The following TNNI3K variants were observed in gnomAD, a reference collection of about 807,000 sequenced individuals.
The protein encoded by TNNI3K is serine/threonine-protein kinase TNNI3K.
TNNI3K carries 140 observed loss-of-function variants against 114.5 expected under a neutral mutation model. That is an observed-to-expected ratio of 1.22 (90% confidence interval 1.07 to 1.41). The LOEUF is 1.41. Ranked by LOEUF, TNNI3K falls within the 40% of genes most tolerant of loss-of-function variation. TNNI3K has a pLI of 0.00. For missense variants in TNNI3K, 1,125 were observed against 1,007.6 expected, an observed-to-expected ratio of 1.12 and a Z score of -1.58; for synonymous variants, 347 against 347.5, an observed-to-expected ratio of 1.00 and a Z score of 0.02.
intron 17 of TNNI3K, among the ~76,000 whole-genome samples, chr1:74,415,464 T>G (rs1364313274): frequency 3.3e-5 from 5 of 152,330 alleles, no homozygotes; most frequent in Non-Finnish European, 5.9e-5. Context: ...AAAAGCTGTC[T>G]ATTTTTCTAA....
chr1:74,290,050 C>T (rs1657582408), intron 5 of TNNI3K, among the ~76,000 whole-genome samples: 1 of 151,622 alleles, frequency 6.6e-6, no homozygotes, highest in East Asian at 1.9e-4. Flanking sequence ...TCTGGGCATC[C>T]CCAGAAAAGT....
At chr1:74,303,365 A>G (rs998966891) in intron 5 of TNNI3K, among the ~76,000 whole-genome samples, 8 of 151,850 alleles carry the variant, frequency 5.3e-5, no homozygotes, top group Admixed American at 5.2e-4. Context: ...GGGTTTCGCT[A>G]TGTTGGCCAG....
intron 23 of TNNI3K, among the ~76,000 whole-genome samples, chr1:74,497,358 T>C (rs145964070): frequency 6.6e-6 from 1 of 152,206 alleles, no homozygotes; most frequent in East Asian, 1.9e-4. Context: ...CTTGCACTCT[T>C]TTTTGTACTA....
At chr1:74,251,172 C>T (rs1018871377) in intron 4 of TNNI3K, among the ~76,000 whole-genome samples, 7 of 152,138 alleles carry the variant, frequency 4.6e-5, no homozygotes, top group African/African-American at 1.7e-4. Flanking sequence ...CACACTGAAG[C>T]TGTATTTCTT....
chr1:74,358,700 T>G (rs1486751402), intron 11 of TNNI3K, among the ~76,000 whole-genome samples: 2 of 152,062 alleles, frequency 1.3e-5, no homozygotes, highest in Non-Finnish European at 2.9e-5. Flanking sequence ...GGAATCCATG[T>G]GTGAATTTTT....
At chr1:74,325,644 G>A (rs1169285185) in intron 5 of TNNI3K, among the ~76,000 whole-genome samples, 1 of 152,194 alleles carries the variant, frequency 6.6e-6, no homozygotes, top group African/African-American at 2.4e-5. Flanking sequence ...CCCTGGAGTG[G>A]TGAGTTCTAA....
chr1:74,237,593 A>G (rs1653935135), intron 2 of TNNI3K, among the ~76,000 whole-genome samples: 1 of 152,052 alleles, frequency 6.6e-6, no homozygotes, highest in Admixed American at 6.6e-5. Context: ...TATTAGGATT[A>G]ACAATGGATT....
chr1:74,278,297 GATAAC>G (rs1165474066), intron 5 of TNNI3K, among the ~76,000 whole-genome samples: 2 of 152,150 alleles, frequency 1.3e-5, no homozygotes, highest in Non-Finnish European at 2.9e-5. Context: ...GCTTTGAATA[GATAAC>G]TTTGTACTGA....
chr1:74,350,321 T>C (rs1661268650), intron 9 of TNNI3K, among the ~76,000 whole-genome samples: 1 of 152,268 alleles, frequency 6.6e-6, no homozygotes, highest in East Asian at 1.9e-4. Flanking sequence ...GTTTGCACTG[T>C]GGTCTGAAAG....
In TNNI3K at chr1:74,331,431, T is replaced by TA; in HGVS notation, c.445-17dup. 6.2e-7 allele frequency: 1 copy of TA among 1,609,872 alleles called. No individual in the cohort carries two copies. The highest frequency in any genetic ancestry group is 8.5e-7 in the Non-Finnish European group (1 of 1,178,282). On this transcript the variant is annotated intron_variant, in intron 5 of 24. Transcript: ENST00000326637. Reference sequence around the variant, plus strand: ...ATAACTCAACTGAAGTTCTTAACCATAATCATTTTCTTGTCCAGGCTGCTG... The same window carrying TA: ...ATAACTCAACTGAAGTTCTTAACCATAAATCATTTTCTTGTCCAGGCTGCTG...
At chr1:74,321,366 C>T (rs542290898) in intron 5 of TNNI3K, among the ~76,000 whole-genome samples, 3 of 152,186 alleles carry the variant, frequency 2.0e-5, no homozygotes, top group Non-Finnish European at 2.9e-5. Context: ...TCTTTTCTTT[C>T]GCTTTCTGGC....
intron 2 of TNNI3K, among the ~76,000 whole-genome samples, chr1:74,245,299 C>T (rs1654486761): frequency 6.6e-6 from 1 of 152,174 alleles, no homozygotes; most frequent in African/African-American, 2.4e-5. Flanking sequence ...GATATAGTCC[C>T]TGGTGAGAAG....
chr1:74,541,403 GC>G (rs1217919027), intron 24 of TNNI3K: 6 of 152,168 alleles, frequency 3.9e-5, no homozygotes, highest in Admixed American at 2.0e-4. Context: ...GCAGATGAGT[GC>G]TTTTTATCAT....
intron 23 of TNNI3K, among the ~76,000 whole-genome samples, chr1:74,517,294 T>C (rs1481412510): frequency 1.3e-5 from 2 of 152,202 alleles, no homozygotes; most frequent in Non-Finnish European, 2.9e-5. Context: ...CAATGCCTCA[T>C]TAACGTTCAT....
chr1:74,279,592 C>CAATGAATGAATGAATG lies in TNNI3K; in HGVS notation c.444+7892_444+7907dup, dbSNP rs56037474. ...GATATCTGAGGAAGATAAATAGAAACAATGAATGAATGAATGAATGAATAG... is the reference window on the plus strand; with the variant it reads ...GATATCTGAGGAAGATAAATAGAAACAATGAATGAATGAATGAATGAATGAATGAATGAATGAATAG... On this transcript the variant is annotated intron_variant, in intron 5 of 24. Transcript: ENST00000326637. 3.3e-3 allele frequency among the ~76,000 whole-genome samples: 504 copies of CAATGAATGAATGAATG among 151,662 alleles called. 3 individuals carry two copies. Among genetic ancestry groups the CAATGAATGAATGAATG allele is most frequent in the African/African-American group, 0.011 (459 of 41,284 alleles).
chr1:74,445,598 A>ATT (rs1437278749), intron 20 of TNNI3K, among the ~76,000 whole-genome samples: 3 of 142,792 alleles, frequency 2.1e-5, no homozygotes, highest in African/African-American at 5.3e-5. Context: ...TATGTTCCAC[A>ATT]TTTTCTTTTT....
intron 23 of TNNI3K, among the ~76,000 whole-genome samples, chr1:74,535,166 G>A (rs1021656458): frequency 6.6e-6 from 1 of 152,102 alleles, no homozygotes. Context: ...CTCAAAGTCT[G>A]CATGATTCAT....
intron 7 of TNNI3K, chr1:74,341,604 T>G (rs1438676435): frequency 6.6e-6 from 1 of 151,976 alleles, no homozygotes. Context: ...AACTAACTCT[T>G]GCTAATTTAG....
chr1:74,392,475 C>T (rs766055817), intron 17 of TNNI3K, among the ~76,000 whole-genome samples: 21 of 152,170 alleles, frequency 1.4e-4, no homozygotes, highest in Non-Finnish European at 2.2e-4. Flanking sequence ...GTCACTAGAC[C>T]GTGCTGTCCA....
Sources: allele counts gnomAD v4.1 joint callset (sites outside exome capture counted in the v4.1 genomes callset), GRCh38; gene constraint gnomAD v4.1.1; transcripts MANE v1.5; gene names NCBI Gene and HGNC (gene_info 2026-07-23, HGNC 2026-07-21).